ULK2: variants seen among roughly 807,000 people sequenced by gnomAD.
ULK2 encodes unc-51 like autophagy activating kinase 2.
Under a neutral mutation model 127.5 loss-of-function variants are expected in ULK2, and 76 were observed. That is an observed-to-expected ratio of 0.60 (90% CI 0.50 to 0.72). The LOEUF is 0.72. Ranked by LOEUF, ULK2 falls within the 30% of genes least tolerant of loss-of-function variation. The pLI, the probability that ULK2 is intolerant of heterozygous loss-of-function variation, is 0.00. For synonymous variants in ULK2, 452 were observed against 461.9 expected, an observed-to-expected ratio of 0.98 and a Z score of 0.28; for missense variants, 1,144 against 1,295.9, an observed-to-expected ratio of 0.88 and a Z score of 1.80.
chr17:19,840,332 C>T, intron 9 of ULK2: 3 of 524,452 alleles, frequency 5.7e-6, no homozygotes, highest in East Asian at 5.3e-5. Flanking sequence ...TTCGTTGGAC[C>T]TATGCAAGAT....
chr17:19,812,036 C>T (rs900558795), intron 13 of ULK2, among the ~76,000 whole-genome samples: 1 of 152,044 alleles, frequency 6.6e-6, no homozygotes, highest in Admixed American at 6.6e-5. Context: ...AGTTGATGGA[C>T]GAGTAGTATT....
At chr17:19,802,688 GTTTC>G (rs1241219839) in intron 15 of ULK2, among the ~76,000 whole-genome samples, 3 of 152,268 alleles carry the variant, frequency 2.0e-5, no homozygotes, top group Middle Eastern at 3.4e-3. Flanking sequence ...ACTGTGACAC[GTTTC>G]TTTGATACTA....
rs1200654129 is a variant in ULK2, at chr17:19,771,885, A to G, written c.*4464T>C. 6.6e-6 allele frequency: 1 copy of G among 152,300 alleles called. No homozygotes were observed. Among genetic ancestry groups the G allele is most frequent in the Non-Finnish European group, 1.5e-5 (1 of 68,070 alleles). The allele number at this position is 152,300 out of a possible 1,614,324, so 9.4% of individuals were successfully genotyped here. A position where few individuals can be genotyped will look rare whatever the true frequency, so the allele number is the denominator to read the frequency against. On this transcript the variant is annotated 3_prime_UTR_variant, in exon 27 of 27. Transcript: ENST00000395544. ...TCCTAATGACAGAAGCTAACTGTCC[A>G]AGAGCACGACTGTCTTGGGACAGGA...
intron 20 of ULK2, among the ~76,000 whole-genome samples, chr17:19,794,723 G>A (rs1447443495): frequency 6.2e-5 from 9 of 144,056 alleles, no homozygotes; most frequent in Non-Finnish European, 7.6e-5. Context: ...AAGTCATAGA[G>A]AAAAAAAAAA....
chr17:19,784,060 T>C (rs1597709295), intron 21 of ULK2, 155 bp from the exon 22 acceptor site: 2 of 486,090 alleles, frequency 4.1e-6, no homozygotes, highest in African/African-American at 2.0e-5. Flanking sequence ...AGGATATTAA[T>C]AGTTTTTACT....
intron 12 of ULK2, among the ~76,000 whole-genome samples, chr17:19,818,318 G>C (rs1328634928): frequency 7.2e-6 from 1 of 138,372 alleles, no homozygotes; most frequent in Admixed American, 7.4e-5. Flanking sequence ...GTGAGACTCC[G>C]TCTCAAAAAA....
At chr17:19,806,120 C>T (rs2087510521) in intron 14 of ULK2, among the ~76,000 whole-genome samples, 2 of 152,164 alleles carry the variant, frequency 1.3e-5, no homozygotes. Flanking sequence ...AACAGCTTAA[C>T]AGTACTTCAC....
At chr17:19,780,775 T>C (rs1357472954) in intron 24 of ULK2, 146 bp from the exon 25 acceptor site, 1 of 1,062,148 alleles carries the variant, frequency 9.4e-7, no homozygotes, top group African/African-American at 1.6e-5. Flanking sequence ...TTTTTCATGT[T>C]ATCTCTTTCA....
intron 13 of ULK2, among the ~76,000 whole-genome samples, chr17:19,814,192 T>C (rs966436000): frequency 2.0e-5 from 3 of 151,810 alleles, no homozygotes; most frequent in Non-Finnish European, 4.4e-5. Flanking sequence ...GACTGATTTC[T>C]ACCTTGCTCC....
intron 13 of ULK2, among the ~76,000 whole-genome samples, chr17:19,814,452 T>TG (rs1183474234): frequency 1.7e-3 from 17 of 10,130 alleles, no homozygotes; most frequent in Non-Finnish European, 2.2e-3. Flanking sequence ...TTTTTTTTTT[T>TG]TTTTTTTTTT....
chr17:19,835,857 C>G (rs2041582985), intron 10 of ULK2, among the ~76,000 whole-genome samples: 1 of 151,950 alleles, frequency 6.6e-6, no homozygotes, highest in African/African-American at 2.4e-5. Context: ...AACAATGGCT[C>G]ATACCTGTAA....
chr17:19,795,880 G>C (rs1419071463), intron 19 of ULK2, among the ~76,000 whole-genome samples, 155 bp from the exon 20 acceptor site: 1 of 152,136 alleles, frequency 6.6e-6, no homozygotes. Context: ...GACAGAAATA[G>C]AATATTCAAA....
chr17:19,805,206 A>C (rs2087489854), intron 14 of ULK2, among the ~76,000 whole-genome samples: 1 of 152,238 alleles, frequency 6.6e-6, no homozygotes, highest in African/African-American at 2.4e-5. Flanking sequence ...GAAGTTCAAC[A>C]ACAAAGATGA....
chr17:19,832,995 C>T (rs2041497854), intron 10 of ULK2, among the ~76,000 whole-genome samples: 1 of 151,890 alleles, frequency 6.6e-6, no homozygotes, highest in Non-Finnish European at 1.5e-5. Context: ...TAGTGGTGTG[C>T]ACCTGTAATC....
intron 10 of ULK2, among the ~76,000 whole-genome samples, chr17:19,831,895 G>C (rs1171846138): frequency 1.3e-5 from 2 of 152,014 alleles, no homozygotes; most frequent in African/African-American, 4.8e-5. Context: ...GGAGGCCAAG[G>C]CAAGTGGATC....
intron 3 of ULK2, among the ~76,000 whole-genome samples, chr17:19,860,686 A>G (rs2042223298): frequency 6.6e-6 from 1 of 151,766 alleles, no homozygotes. Flanking sequence ...CACCATGCCC[A>G]GCTAATTTTG....
rs2086802489 is a variant in ULK2, at chr17:19,775,777, A to C, written c.*572T>G. The C allele has an allele frequency of 6.5e-6, 1 of 152,694 alleles. No individual in the cohort carries two copies. The highest frequency in any genetic ancestry group is 2.1e-4 in the South Asian group (1 of 4,828). The allele number at this position is 152,694 out of a possible 1,614,324, so 9.5% of individuals were successfully genotyped here. On this transcript the variant is annotated 3_prime_UTR_variant, in exon 27 of 27. Coordinates refer to ENST00000395544, the MANE Select transcript of ULK2 (RefSeq NM_014683.4). ...AGTGCAATATGAAAGATTTTGGAAG[A>C]TTAACATGTATCCATATTAGGATCA...
In ULK2 at chr17:19,780,630, C is replaced by A; in HGVS notation, c.2759-1G>T. 6.3e-7 allele frequency: 1 copy of A among 1,593,236 alleles called. No homozygotes were observed. On this transcript the variant is annotated splice_acceptor_variant, in intron 24 of 26. Transcript: ENST00000395544. LOFTEE classifies it high-confidence loss of function. ...TATCGTTCGTTCAGATTCTTGACAACTGAAAAAAAATTGAGATGGGAACTA... is the reference window on the plus strand; with the variant it reads ...TATCGTTCGTTCAGATTCTTGACAAATGAAAAAAAATTGAGATGGGAACTA...
chr17:19,841,447 G>C (rs1272150670), intron 9 of ULK2, 42 bp downstream of exon 9: 1 of 1,522,632 alleles, frequency 6.6e-7, no homozygotes, highest in Non-Finnish European at 8.9e-7. Context: ...AAACAACACT[G>C]TATTCACAAA....
Sources: allele counts gnomAD v4.1 joint callset (sites outside exome capture counted in the v4.1 genomes callset), GRCh38; gene constraint gnomAD v4.1.1; transcripts MANE v1.5; gene names NCBI Gene and HGNC (gene_info 2026-07-23, HGNC 2026-07-21).